INTS4: variants seen among roughly 807,000 people sequenced by gnomAD.
INTS4 encodes MSTP093.
INTS4 carries 70 observed loss-of-function variants against 119.5 expected under a neutral mutation model. That is an observed-to-expected ratio of 0.59 (90% CI 0.48 to 0.71). INTS4 has a LOEUF of 0.71. Ranked by LOEUF, INTS4 falls within the 30% of genes least tolerant of loss-of-function variation. The pLI is 0.00. For synonymous variants in INTS4, 316 were observed against 419.6 expected (o/e 0.75, Z 3.02); for missense variants, 867 against 1,173.2 (o/e 0.74, Z 3.81).
At chr11:77,961,780 A>G (rs1954483098) in intron 4 of INTS4, among the ~76,000 whole-genome samples, 1 of 152,244 alleles carries the variant, frequency 6.6e-6, no homozygotes, top group East Asian at 1.9e-4. Flanking sequence ...TATGCAAGGT[A>G]TGGCAGATAG....
At chr11:77,923,612 C>T (rs1953420099) in intron 12 of INTS4, among the ~76,000 whole-genome samples, 1 of 152,040 alleles carries the variant, frequency 6.6e-6, no homozygotes, top group African/African-American at 2.4e-5. Context: ...CATAGAGTTG[C>T]TATACGCATT....
At chr11:77,987,665 C>T (rs1856509348) in intron 2 of INTS4, 2 of 448,952 alleles carry the variant, frequency 4.5e-6, no homozygotes, top group Admixed American at 2.4e-5. Context: ...CAGGAATTCG[C>T]GACCAGCCTG....
At chr11:77,975,864 G>A (rs1176479980) in intron 4 of INTS4, among the ~76,000 whole-genome samples, 4 of 151,868 alleles carry the variant, frequency 2.6e-5, no homozygotes, top group African/African-American at 4.8e-5. Flanking sequence ...GCTGAGGCAG[G>A]AGAATTGCCT....
chr11:77,960,499 T>A, intron 5 of INTS4, 108 bp from the exon 6 acceptor site: 2 of 751,518 alleles, frequency 2.7e-6, no homozygotes, highest in Non-Finnish European at 4.4e-6. Flanking sequence ...CTAACATGGT[T>A]CCTTTTAGCC....
intron 15 of INTS4, among the ~76,000 whole-genome samples, chr11:77,909,367 C>A (rs540346536): frequency 6.6e-6 from 1 of 152,212 alleles, no homozygotes; most frequent in Non-Finnish European, 1.5e-5. Context: ...TTATTTCTCA[C>A]AGTTGTATAG....
rs750065312 is a variant in INTS4 at position 77,891,352 on chromosome 11, A to G, written c.2559T>C (p.His853=). ...TAACAGTGTTCTGAGGATCCTGCAC[A>G]TGCTCCAGGGTTGCATCAACATCCA... ...VALDVDATLE[H]VQDPQNTVKV... The change falls in exon 21 of 23, where the codon CAT becomes CAC. Residue 853 remains histidine, a synonymous_variant. Transcript: ENST00000534064. 5.0e-6 allele frequency: 8 copies of G among 1,610,866 alleles called. No homozygotes were observed. In the African/African-American group the frequency reaches 6.7e-5, roughly 13 times the overall value.
At chr11:77,949,003 C>T (rs1222932369) in intron 8 of INTS4, among the ~76,000 whole-genome samples, 1 of 152,050 alleles carries the variant, frequency 6.6e-6, no homozygotes, top group African/African-American at 2.4e-5. Context: ...TTTTTAGCGA[C>T]AGTTTCGCTG....
rs756087159 is a variant in INTS4, at chr11:77,901,440, T to C, written c.2209A>G (p.Thr737Ala). The C allele has an allele frequency of 8.3e-5, 134 of 1,613,854 alleles. No homozygotes were observed. The highest frequency in any genetic ancestry group is 1.1e-4 in the Non-Finnish European group (132 of 1,179,860). The change falls in exon 18 of 23, where the codon ACA becomes GCA. Residue 737 changes from threonine (T) to alanine (A), a missense_variant. By Grantham distance (58) the Thr-to-Ala change is moderately conservative. Transcript: ENST00000534064. ...TCTTACCCTCGTGTAGTTCGTGCTG[T>C]TACTATAAGTTGCAAAGCTTTGGCC... The part of the protein sequence containing the change: ...LQAKALQLIV[T>A]ARTTRGLDPL...
In INTS4 at chr11:77,948,909, T is replaced by C. The variant is rs531002361; in HGVS notation, c.918+7033A>G. On this transcript the variant is annotated intron_variant, in intron 8 of 22. Coordinates refer to ENST00000534064, the MANE Select transcript of INTS4 (RefSeq NM_033547.4). Reference sequence around the variant, plus strand: ...TTAAAACATATACCAAAACCTACGGTATGCAACAAAAGCAGTTCTAAGAGA... The same window carrying C: ...TTAAAACATATACCAAAACCTACGGCATGCAACAAAAGCAGTTCTAAGAGA... 3.3e-5 allele frequency among the ~76,000 whole-genome samples: 5 copies of C among 151,996 alleles called. No homozygotes were observed. The East Asian group carries it at 9.7e-4, about 29-fold the overall frequency.
chr11:77,951,875 A>G (rs1954204950), intron 8 of INTS4, among the ~76,000 whole-genome samples: 1 of 152,234 alleles, frequency 6.6e-6, no homozygotes. Context: ...ACACTTCTCA[A>G]AAGAAGACAT....
At position 77,979,893 on chromosome 11, in the gene INTS4, G is replaced by A. The variant is rs1024731084; in HGVS notation, c.365-791C>T. ...CTCAGGAGGCTGAGGCAGGAGAATC[G>A]CTTGAACCCGGGAGGCGGAGGTTGC... is the stretch of plus-strand genomic sequence containing the variant. On this transcript the variant is annotated intron_variant, in intron 3 of 22. Transcript: ENST00000534064. 1.4e-3 allele frequency among the ~76,000 whole-genome samples: 204 copies of A among 149,158 alleles called. 2 individuals carry two copies. Among genetic ancestry groups the A allele is most frequent in the East Asian group, 2.6e-3 (13 of 5,060 alleles).
intron 10 of INTS4, among the ~76,000 whole-genome samples, chr11:77,935,429 T>C (rs1953763626): frequency 6.6e-6 from 1 of 152,098 alleles, no homozygotes; most frequent in Non-Finnish European, 1.5e-5. Context: ...AGGAGAGAAC[T>C]ACACAGAGAG....
chr11:77,884,939 T>C (rs991334044), intron 21 of INTS4: 2 of 226,314 alleles, frequency 8.8e-6, no homozygotes, highest in Non-Finnish European at 1.9e-5. Context: ...TTAAATTTTT[T>C]TGTAGAGACA....
intron 2 of INTS4, among the ~76,000 whole-genome samples, chr11:77,983,317 T>C (rs952567281): frequency 1.3e-5 from 2 of 152,192 alleles, no homozygotes; most frequent in African/African-American, 2.4e-5. Context: ...GGTCTCACTA[T>C]GTTGCCGGTT....
At chr11:77,898,253 T>C (rs1197801471) in intron 18 of INTS4, among the ~76,000 whole-genome samples, 2 of 152,132 alleles carry the variant, frequency 1.3e-5, no homozygotes, top group Non-Finnish European at 2.9e-5. Context: ...AACCTCTGCC[T>C]CCTGGGTTCA....
At chr11:77,989,347 C>T (rs572296623) in intron 2 of INTS4, among the ~76,000 whole-genome samples, 2 of 152,038 alleles carry the variant, frequency 1.3e-5, no homozygotes, top group South Asian at 4.2e-4. Flanking sequence ...ATTAGCTGAG[C>T]GTGATGGCGC....
intron 21 of INTS4, among the ~76,000 whole-genome samples, chr11:77,885,678 G>T (rs1951974301): frequency 6.6e-6 from 1 of 151,982 alleles, no homozygotes; most frequent in African/African-American, 2.4e-5. Flanking sequence ...AATTAGCTGG[G>T]TATGGTGGCG....
rs1340408398 is a variant in INTS4, at chr11:77,936,514, C to G, written c.1165+2137G>C. On this transcript the variant is annotated intron_variant, in intron 10 of 22. Coordinates refer to ENST00000534064, the MANE Select transcript of INTS4 (RefSeq NM_033547.4). Reference sequence around the variant, plus strand: ...CCTCCTGCCTCAGCCTCCCAAGTAGCTGGGACTAAAGGCATGCACAACCAT... The same window carrying G: ...CCTCCTGCCTCAGCCTCCCAAGTAGGTGGGACTAAAGGCATGCACAACCAT... Among the ~76,000 whole-genome samples, 6 of 152,264 alleles carry G rather than the reference C, an allele frequency of 3.9e-5. 1 individual carries two copies. Among genetic ancestry groups the G allele is most frequent in the Admixed American group, 3.3e-4 (5 of 15,296 alleles).
At chr11:77,956,320 A>G in intron 7 of INTS4, among the ~76,000 whole-genome samples, 1 of 152,178 alleles carries the variant, frequency 6.6e-6, no homozygotes, top group Admixed American at 6.6e-5. Flanking sequence ...CTGAAGTGGG[A>G]AGATTACTTT....
Sources: allele counts gnomAD v4.1 joint callset (sites outside exome capture counted in the v4.1 genomes callset), GRCh38; gene constraint gnomAD v4.1.1; transcripts MANE v1.5; gene names NCBI Gene and HGNC (gene_info 2026-07-23, HGNC 2026-07-21).